Variants in NLRP2B observed in about 807,000 individuals in gnomAD.
NLRP2B encodes the protein NLR family pyrin domain-containing protein 2B.
For missense variants in NLRP2B, 25 were observed against 6.8 expected, an observed-to-expected ratio of 3.70 and a Z score of -3.00; for synonymous variants, 16 against 3.5, an observed-to-expected ratio of 4.63 and a Z score of -4.03.
At position 57,677,508 on chromosome X, in the gene NLRP2B, G is replaced by A. The variant is rs1421688550; in HGVS notation, c.*2615C>T. 4 of 331,305 alleles carry A rather than the reference G, an allele frequency of 1.2e-5. No individual in the cohort carries two copies. Among genetic ancestry groups the A allele is most frequent in the South Asian group, 3.1e-5 (1 of 32,121 alleles). The allele number at this position is 331,305 out of a possible 1,213,427, so 27.3% of individuals were successfully genotyped here. A position where few individuals can be genotyped will look rare whatever the true frequency, so the allele number is the denominator to read the frequency against. ...TTGATTTTTCTTGGAGAAGCTCTGC[G>A]AGATAACAGCAGCCATTGCTAGTTA... On this transcript the variant is annotated 3_prime_UTR_variant, in exon 1 of 1. Transcript: ENST00000434992.
chrX:57,678,960 C>T lies in NLRP2B; in HGVS notation c.*1163G>A, dbSNP rs777817358. 2.4e-5 allele frequency: 11 copies of T among 467,568 alleles called. No individual in the cohort carries two copies. The highest frequency in any genetic ancestry group is 1.7e-4 in the East Asian group (3 of 18,174). The allele number at this position is 467,568 out of a possible 1,213,427, so 38.5% of individuals were successfully genotyped here. A position where few individuals can be genotyped will look rare whatever the true frequency, so the allele number is the denominator to read the frequency against. On this transcript the variant is annotated 3_prime_UTR_variant, in exon 1 of 1. Coordinates refer to ENST00000434992, the MANE Select transcript of NLRP2B (RefSeq NM_001319967.1). ...GCACGCCCCAGAGCTGTGCGCCCTG[C>T]GGGAACCGGCCGCAAAGGAAGCGCA...
At position 57,679,248 on chromosome X, in the gene NLRP2B, C is replaced by G; in HGVS notation, c.*875G>C. 1 of 455,305 alleles carries G rather than the reference C, an allele frequency of 2.2e-6. No homozygotes were observed. The highest frequency in any genetic ancestry group is 2.9e-5 in the South Asian group (1 of 34,456). 37.5% of individuals were successfully genotyped at this position (455,305 alleles called of 1,213,427 possible). ...CAACAGCCGGAGGTCTCTCAGGGCCCGCAGGCCACGTGGTGACCAGCACGG... is the reference window on the plus strand; with the variant it reads ...CAACAGCCGGAGGTCTCTCAGGGCCGGCAGGCCACGTGGTGACCAGCACGG... On this transcript the variant is annotated 3_prime_UTR_variant, in exon 1 of 1. Coordinates refer to ENST00000434992, the MANE Select transcript of NLRP2B (RefSeq NM_001319967.1).
rs1218352739 is a variant in NLRP2B, at chrX:57,679,401, G to A, written c.*722C>T. ...GTGGGGCTCCCAGCTCATCAAAGCC[G>A]TCGACCACGAACAGGATTTTCTGTG... is the stretch of plus-strand genomic sequence containing the variant. On this transcript the variant is annotated 3_prime_UTR_variant, in exon 1 of 1. Transcript: ENST00000434992. 18 of 880,229 alleles carry A rather than the reference G, an allele frequency of 2.0e-5. No individual in the cohort carries two copies. The highest frequency in any genetic ancestry group is 2.7e-4 in the Middle Eastern group (1 of 3,657). The allele number at this position is 880,229 out of a possible 1,213,427, so 72.5% of individuals were successfully genotyped here. A position where few individuals can be genotyped will look rare whatever the true frequency, so the allele number is the denominator to read the frequency against.
Position 57,679,820 on chromosome X carries a change from A to G in NLRP2B, c.*303T>C, listed in dbSNP as rs2011754905. 2.8e-5 allele frequency: 8 copies of G among 289,134 alleles called. No individual in the cohort carries two copies. The highest frequency in any genetic ancestry group is 4.8e-5 in the Non-Finnish European group (8 of 166,822). The allele number at this position is 289,134 out of a possible 1,213,427, so 23.8% of individuals were successfully genotyped here. A position where few individuals can be genotyped will look rare whatever the true frequency, so the allele number is the denominator to read the frequency against. On this transcript the variant is annotated 3_prime_UTR_variant, in exon 1 of 1. Coordinates refer to ENST00000434992, the MANE Select transcript of NLRP2B (RefSeq NM_001319967.1). ...TCTTTACCTGGCTTTTCTCCTTTCA[A>G]GACTTCTTTAGCTTCTCTTAGGCTG... is the stretch of plus-strand genomic sequence containing the variant.
chrX:57,678,751 T>A lies in NLRP2B; in HGVS notation c.*1372A>T. 2.5e-6 allele frequency: 1 copy of A among 400,068 alleles called. No individual in the cohort carries two copies. Among genetic ancestry groups the A allele is most frequent in the Non-Finnish European group, 4.7e-6 (1 of 214,226 alleles). The allele number at this position is 400,068 out of a possible 1,213,427, so 33.0% of individuals were successfully genotyped here. A position where few individuals can be genotyped will look rare whatever the true frequency, so the allele number is the denominator to read the frequency against. On this transcript the variant is annotated 3_prime_UTR_variant, in exon 1 of 1. Transcript: ENST00000434992. ...GGCGTGGAACAGCACAGTGAAAAAC[T>A]GCTGGAAGCTGAGGTGGATGTAGGA...
rs1222401126 is a variant in NLRP2B at position 57,679,739 on chromosome X, G to T, written c.*384C>A. ...ATATGGACCACTTTGAGGTCTCCAG[G>T]CCAGGTTTTCCACATTTGCCAGAAC... On this transcript the variant is annotated 3_prime_UTR_variant, in exon 1 of 1. Transcript: ENST00000434992. 1 of 387,481 alleles carries T rather than the reference G, an allele frequency of 2.6e-6. No homozygotes were observed. The highest frequency in any genetic ancestry group is 4.1e-5 in the East Asian group (1 of 24,534). 31.9% of individuals were successfully genotyped at this position (387,481 alleles called of 1,213,427 possible).
Position 57,678,968 on chromosome X carries a change from G to C in NLRP2B, c.*1155C>G, listed in dbSNP as rs1324718140. On this transcript the variant is annotated 3_prime_UTR_variant, in exon 1 of 1. Transcript: ENST00000434992. ...CAGAGCTGTGCGCCCTGCGGGAACC[G>C]GCCGCAAAGGAAGCGCAGGAACAGC... The C allele has an allele frequency of 6.4e-6, 3 of 466,446 alleles. No individual in the cohort carries two copies. Among genetic ancestry groups the C allele is most frequent in the Non-Finnish European group, 1.1e-5 (3 of 277,034 alleles). 38.4% of individuals were successfully genotyped at this position (466,446 alleles called of 1,213,427 possible).
Position 57,677,101 on chromosome X carries a change from C to T in NLRP2B, c.*3022G>A. 1 of 262,615 alleles carries T rather than the reference C, an allele frequency of 3.8e-6. No homozygotes were observed. The highest frequency in any genetic ancestry group is 7.2e-6 in the Non-Finnish European group (1 of 139,810). The allele number at this position is 262,615 out of a possible 1,213,427, so 21.6% of individuals were successfully genotyped here. On this transcript the variant is annotated 3_prime_UTR_variant, in exon 1 of 1. Coordinates refer to ENST00000434992, the MANE Select transcript of NLRP2B (RefSeq NM_001319967.1). ...GTAATGAAAAGAAAGCCTTTTTTCCCCCCCAAAGGATCATGTTTCTCAGTT... is the reference window on the plus strand; with the variant it reads ...GTAATGAAAAGAAAGCCTTTTTTCCTCCCCAAAGGATCATGTTTCTCAGTT...
At position 57,677,556 on chromosome X, in the gene NLRP2B, G is replaced by A. The variant is rs765516575; in HGVS notation, c.*2567C>T. 12 of 307,977 alleles carry A rather than the reference G, an allele frequency of 3.9e-5. No homozygotes were observed. Among genetic ancestry groups the A allele is most frequent in the Admixed American group, 1.6e-4 (4 of 25,419 alleles). The allele number at this position is 307,977 out of a possible 1,213,427, so 25.4% of individuals were successfully genotyped here. ...TTATGTCGCAGTCCCACAGCACCAG[G>A]GTCTGTAGTTTACAATGGGGGTAAC... On this transcript the variant is annotated 3_prime_UTR_variant, in exon 1 of 1. Coordinates refer to ENST00000434992, the MANE Select transcript of NLRP2B (RefSeq NM_001319967.1).
At position 57,679,377 on chromosome X, in the gene NLRP2B, T is replaced by A; in HGVS notation, c.*746A>T. 4 of 759,973 alleles carry A rather than the reference T, an allele frequency of 5.3e-6. No homozygotes were observed. The highest frequency in any genetic ancestry group is 4.3e-5 in the South Asian group (2 of 46,745). The allele number at this position is 759,973 out of a possible 1,213,427, so 62.6% of individuals were successfully genotyped here. A position where few individuals can be genotyped will look rare whatever the true frequency, so the allele number is the denominator to read the frequency against. ...AGATGTCCTAGATCAGTGCCCCAGG[T>A]GGGGCTCCCAGCTCATCAAAGCCGT... On this transcript the variant is annotated 3_prime_UTR_variant, in exon 1 of 1. Coordinates refer to ENST00000434992, the MANE Select transcript of NLRP2B (RefSeq NM_001319967.1).
Position 57,678,858 on chromosome X carries a change from C to A in NLRP2B, c.*1265G>T. The A allele has an allele frequency of 5.4e-6, 2 of 368,130 alleles. No individual in the cohort carries two copies. The highest frequency in any genetic ancestry group is 9.9e-6 in the Non-Finnish European group (2 of 202,795). 30.3% of individuals were successfully genotyped at this position (368,130 alleles called of 1,213,427 possible). On this transcript the variant is annotated 3_prime_UTR_variant, in exon 1 of 1. Transcript: ENST00000434992. ...GGATGTTGAACTCCTGCACCCCGAG[C>A]CTCGCCAAGTCCTCTCCACGGAACA...
At position 57,679,192 on chromosome X, in the gene NLRP2B, CCTCCACCCTTACATAGATCGGCCG is replaced by C. The variant is rs1329058342; in HGVS notation, c.*907_*930del. On this transcript the variant is annotated 3_prime_UTR_variant, in exon 1 of 1. Transcript: ENST00000434992. ...GCCCTCCTGTCCTTCTCCAGGAACT[CCTCCACCCTTACATAGATCGGCCG>C]CTCCACCAACAGCCGGAGGTCTCTC... is the stretch of plus-strand genomic sequence containing the variant. 1 of 465,367 alleles carries C rather than the reference CCTCCACCCTTACATAGATCGGCCG, an allele frequency of 2.1e-6. No individual in the cohort carries two copies. Among genetic ancestry groups the C allele is most frequent in the African/African-American group, 2.4e-5 (1 of 42,114 alleles). 38.4% of individuals were successfully genotyped at this position (465,367 alleles called of 1,213,427 possible). A position where few individuals can be genotyped will look rare whatever the true frequency, so the allele number is the denominator to read the frequency against.
At position 57,678,790 on chromosome X, in the gene NLRP2B, G is replaced by T; in HGVS notation, c.*1333C>A. ...GTGGATGTAGGAATAGCAGCCTTTA[G>T]AGACTATGTCCTGGCGGAGGATGTC... On this transcript the variant is annotated 3_prime_UTR_variant, in exon 1 of 1. Transcript: ENST00000434992. The T allele has an allele frequency of 2.5e-6, 1 of 393,114 alleles. No homozygotes were observed. The highest frequency in any genetic ancestry group is 3.1e-5 in the Admixed American group (1 of 32,566). The allele number at this position is 393,114 out of a possible 1,213,427, so 32.4% of individuals were successfully genotyped here.
rs1422766842 is a variant in NLRP2B, at chrX:57,678,850, AC to A, written c.*1272del. 8.3e-6 allele frequency: 3 copies of A among 359,795 alleles called. No homozygotes were observed. Among genetic ancestry groups the A allele is most frequent in the African/African-American group, 5.3e-5 (2 of 37,677 alleles). The allele number at this position is 359,795 out of a possible 1,213,427, so 29.7% of individuals were successfully genotyped here. On this transcript the variant is annotated 3_prime_UTR_variant, in exon 1 of 1. Coordinates refer to ENST00000434992, the MANE Select transcript of NLRP2B (RefSeq NM_001319967.1). Reference sequence around the variant, plus strand: ...GGACGGGCGGATGTTGAACTCCTGCACCCCGAGCCTCGCCAAGTCCTCTCCA... The same window carrying A: ...GGACGGGCGGATGTTGAACTCCTGCACCCGAGCCTCGCCAAGTCCTCTCCA...
Position 57,678,362 on chromosome X carries a change from C to T in NLRP2B, c.*1761G>A. ...ATTGAAAACAGCATAATGTCTACTG[C>T]ATTTAAGTGCAGGGATATTTCTTTG... On this transcript the variant is annotated 3_prime_UTR_variant, in exon 1 of 1. Transcript: ENST00000434992. 3.8e-6 allele frequency: 2 copies of T among 528,314 alleles called. No homozygotes were observed. The highest frequency in any genetic ancestry group is 5.1e-5 in the Admixed American group (2 of 39,445). 43.5% of individuals were successfully genotyped at this position (528,314 alleles called of 1,213,427 possible).
rs1033753759 is a variant in NLRP2B at position 57,680,248 on chromosome X, C to A, written c.13G>T (p.Ala5Ser). 1 of 363,198 alleles carries A rather than the reference C, an allele frequency of 2.8e-6. No homozygotes were observed. The highest frequency in any genetic ancestry group is 4.9e-6 in the Non-Finnish European group (1 of 202,544). 29.9% of individuals were successfully genotyped at this position (363,198 alleles called of 1,213,427 possible). A position where few individuals can be genotyped will look rare whatever the true frequency, so the allele number is the denominator to read the frequency against. Reference protein sequence around the residue: MVSSAQLDFNLQALL... With the variant: MVSSSQLDFNLQALL... Reference sequence around the variant, plus strand: ...GCCTGCAGGTTGAAGTCCAGCTGTGCAGAAGACACCATCTCGTCTGACGTG... The same window carrying A: ...GCCTGCAGGTTGAAGTCCAGCTGTGAAGAAGACACCATCTCGTCTGACGTG... Residue 5 changes from alanine (A) to serine (S), a missense_variant, in exon 1 of 1, where the codon GCA (alanine) becomes TCA (serine). Coordinates refer to ENST00000434992, the MANE Select transcript of NLRP2B (RefSeq NM_001319967.1).
chrX:57,678,585 G>T lies in NLRP2B; in HGVS notation c.*1538C>A. The T allele has an allele frequency of 2.1e-6, 1 of 484,539 alleles. No individual in the cohort carries two copies. The allele number at this position is 484,539 out of a possible 1,213,427, so 39.9% of individuals were successfully genotyped here. On this transcript the variant is annotated 3_prime_UTR_variant, in exon 1 of 1. Coordinates refer to ENST00000434992, the MANE Select transcript of NLRP2B (RefSeq NM_001319967.1). ...ACTCCTTGGCTTTCTTCTCGTTGGC[G>T]AAGCCGAATAAGAAGTGTCTTGCTT...
At position 57,679,328 on chromosome X, in the gene NLRP2B, G is replaced by T; in HGVS notation, c.*795C>A. 1.8e-6 allele frequency: 1 copy of T among 558,886 alleles called. No homozygotes were observed. The highest frequency in any genetic ancestry group is 3.1e-6 in the Non-Finnish European group (1 of 323,996). 46.1% of individuals were successfully genotyped at this position (558,886 alleles called of 1,213,427 possible). ...AACCTCCCCAAGAAGACCGGCACCG[G>T]CTTCTGCTTCTCCCAGTCCCCACAG... is the stretch of plus-strand genomic sequence containing the variant. On this transcript the variant is annotated 3_prime_UTR_variant, in exon 1 of 1. Coordinates refer to ENST00000434992, the MANE Select transcript of NLRP2B (RefSeq NM_001319967.1).
Position 57,679,065 on chromosome X carries a change from AC to A in NLRP2B, c.*1057del. ...CAGACTCATGCACATGATCCAGCAC[AC>A]CATGGGTGCCGAGACAGGCTGGAAC... On this transcript the variant is annotated 3_prime_UTR_variant, in exon 1 of 1. Transcript: ENST00000434992. The A allele has an allele frequency of 2.3e-6, 1 of 425,841 alleles. No homozygotes were observed. The highest frequency in any genetic ancestry group is 4.3e-6 in the Non-Finnish European group (1 of 230,511). 35.1% of individuals were successfully genotyped at this position (425,841 alleles called of 1,213,427 possible).
Sources: allele counts gnomAD v4.1 joint callset, GRCh38; gene constraint gnomAD v4.1.1; transcripts MANE v1.5; gene names NCBI Gene and HGNC (gene_info 2026-07-23, HGNC 2026-07-21).